Variants in SHISA6 observed in about 807,000 individuals in gnomAD.
The protein encoded by SHISA6 is shisa family member 6, also known as protein shisa-6.
SHISA6 carries 22 observed loss-of-function variants against 47.9 expected under a neutral mutation model. The ratio of observed to expected loss-of-function variants is 0.46; its 90% CI spans 0.33 to 0.66. The LOEUF (loss-of-function observed/expected upper bound fraction) is 0.66. Ranked by LOEUF, SHISA6 falls within the 30% of genes least tolerant of loss-of-function variation. SHISA6 has a pLI of 0.02. For missense variants in SHISA6, 680 were observed against 764.6 expected (o/e 0.89, Z 1.30); for synonymous variants, 388 against 337.8 (o/e 1.15, Z -1.63).
Position 11,255,634 on chromosome 17 carries a change from G to GGT in SHISA6, c.639-7726_639-7725dup, listed in dbSNP as rs150634864. ...CCAAGTTCAGGGTTCAGCAGAAACG[G>GGT]GTGTGTGGTCATATGGATTTCCATC... On this transcript the variant is annotated intron_variant, in intron 1 of 5. Coordinates refer to ENST00000441885, the MANE Select transcript of SHISA6 (RefSeq NM_207386.4). Among the ~76,000 whole-genome samples, 784 of 152,250 alleles carry GGT rather than the reference G, an allele frequency of 5.1e-3. 2 individuals are homozygous for GGT. The highest frequency in any genetic ancestry group is 7.6e-3 in the Non-Finnish European group (514 of 68,020).
intron 2 of SHISA6, chr17:11,288,346 A>G (rs1180994983): frequency 6.6e-6 from 1 of 152,244 alleles, no homozygotes; most frequent in Non-Finnish European, 1.5e-5. Flanking sequence ...CAATGTTTCA[A>G]TAAATAACAA....
At chr17:11,442,391 A>G (rs558564823) in intron 3 of SHISA6, among the ~76,000 whole-genome samples, 7 of 151,908 alleles carry the variant, frequency 4.6e-5, no homozygotes, top group South Asian at 2.1e-4. Context: ...ACACCTATCT[A>G]TCCTTCCTGT....
chr17:11,412,686 C>T (rs1914160466), intron 3 of SHISA6, among the ~76,000 whole-genome samples: 1 of 152,022 alleles, frequency 6.6e-6, no homozygotes, highest in Non-Finnish European at 1.5e-5. Context: ...GGACTACAGG[C>T]ACCGGCCACC....
intron 3 of SHISA6, among the ~76,000 whole-genome samples, chr17:11,525,655 A>AAAAAAAAAAAAAAAAT (rs2071671675): frequency 2.8e-5 from 1 of 35,694 alleles, no homozygotes; most frequent in African/African-American, 1.1e-4. Context: ...AAAAAAACAA[A>AAAAAAAAAAAAAAAAT]AAAAAAAAAA....
intron 1 of SHISA6, among the ~76,000 whole-genome samples, chr17:11,243,012 G>T (rs1426312913): frequency 1.3e-5 from 2 of 151,922 alleles, no homozygotes; most frequent in Non-Finnish European, 2.9e-5. Context: ...GCTGGACATG[G>T]TGCAAGAGTC....
intron 4 of SHISA6, among the ~76,000 whole-genome samples, chr17:11,552,344 C>T (rs984990611): frequency 1.2e-4 from 18 of 152,166 alleles, no homozygotes; most frequent in African/African-American, 3.4e-4. Context: ...CTTTATGATC[C>T]TCCCCAGGCT....
intron 3 of SHISA6, among the ~76,000 whole-genome samples, chr17:11,463,692 T>C (rs887308447): frequency 6.6e-6 from 1 of 152,220 alleles, no homozygotes; most frequent in African/African-American, 2.4e-5. Flanking sequence ...TTCATTCATG[T>C]CTACTAGGTT....
At chr17:11,434,379 A>G (rs1914877571) in intron 3 of SHISA6, among the ~76,000 whole-genome samples, 1 of 152,012 alleles carries the variant, frequency 6.6e-6, no homozygotes, top group Non-Finnish European at 1.5e-5. Context: ...ACTTTTTCTA[A>G]TCACCTGGGT....
At chr17:11,508,200 A>G (rs559575821) in intron 3 of SHISA6, among the ~76,000 whole-genome samples, 75 of 152,370 alleles carry the variant, frequency 4.9e-4, no homozygotes, top group Non-Finnish European at 1.0e-4. Flanking sequence ...TGTCTTAGTC[A>G]TTCGTGCTGC....
In SHISA6 at chr17:11,488,223, G is replaced by A. The variant is rs550337759; in HGVS notation, c.896-63673G>A. On this transcript the variant is annotated intron_variant, in intron 3 of 5. Coordinates refer to ENST00000441885, the MANE Select transcript of SHISA6 (RefSeq NM_207386.4). ...CTGCGAATTGGCCCTGAGAAATCTC[G>A]GTGTGCACTATTTATAGGCAGGAAT... is the stretch of plus-strand genomic sequence containing the variant. Among the ~76,000 whole-genome samples, 65 of 152,170 alleles carry A rather than the reference G, an allele frequency of 4.3e-4. 2 individuals carry two copies. The South Asian group carries it at 0.012, about 29-fold the overall frequency.
chr17:11,493,022 G>A (rs903266547), intron 3 of SHISA6, among the ~76,000 whole-genome samples: 16 of 152,116 alleles, frequency 1.1e-4, no homozygotes, highest in Non-Finnish European at 2.1e-4. Context: ...CTTGCAGGTG[G>A]GGAACCATTC....
chr17:11,384,225 C>T (rs1913122277), intron 3 of SHISA6, among the ~76,000 whole-genome samples: 1 of 152,222 alleles, frequency 6.6e-6, no homozygotes, highest in Non-Finnish European at 1.5e-5. Context: ...ACTGTGCTAT[C>T]CTGCCTCTCC....
At chr17:11,279,891 T>C (rs1303670684) in intron 2 of SHISA6, among the ~76,000 whole-genome samples, 1 of 152,168 alleles carries the variant, frequency 6.6e-6, no homozygotes, top group African/African-American at 2.4e-5. Flanking sequence ...CTCTCAGTGC[T>C]GCTCTGGGCA....
intron 1 of SHISA6, among the ~76,000 whole-genome samples, chr17:11,260,015 G>A (rs1159427895): frequency 6.6e-6 from 1 of 152,216 alleles, no homozygotes; most frequent in Non-Finnish European, 1.5e-5. Flanking sequence ...GGAATCACAT[G>A]AGACAGGGCA....
chr17:11,458,751 A>T (rs1915617009), intron 3 of SHISA6, among the ~76,000 whole-genome samples: 1 of 152,168 alleles, frequency 6.6e-6, no homozygotes, highest in African/African-American at 2.4e-5. Flanking sequence ...CTCCTCCCAG[A>T]TTTAGACAGG....
intron 2 of SHISA6, among the ~76,000 whole-genome samples, chr17:11,301,204 T>A (rs1909915910): frequency 6.6e-6 from 1 of 151,998 alleles, no homozygotes; most frequent in Admixed American, 6.6e-5. Context: ...CAGCCTATGA[T>A]GTAGTGGTGG....
In SHISA6 at chr17:11,277,241, TTCTCTCTCTCTC is replaced by T. The variant is rs139388009; in HGVS notation, c.799+13744_799+13755del. 8.5e-3 allele frequency among the ~76,000 whole-genome samples: 661 copies of T among 78,148 alleles called. 2 individuals carry two copies. The highest frequency in any genetic ancestry group is 0.012 in the Non-Finnish European group (503 of 41,950). The allele number at this position is 78,148 out of a possible 152,430, so 51.3% of individuals were successfully genotyped here. On this transcript the variant is annotated intron_variant, in intron 2 of 5. Coordinates refer to ENST00000441885, the MANE Select transcript of SHISA6 (RefSeq NM_207386.4). The stretch of plus-strand genomic sequence containing the variant: ...CTCCCTCCCCATCCCCGGTTTCTCT[TTCTCTCTCTCTC>T]TCTCTCTCTCTCTCTCTCTCTCTCT...
chr17:11,382,584 G>T (rs1913047888), intron 3 of SHISA6, among the ~76,000 whole-genome samples: 1 of 152,192 alleles, frequency 6.6e-6, no homozygotes, highest in Non-Finnish European at 1.5e-5. Flanking sequence ...ATTTGTATGT[G>T]TTTAATTCTC....
chr17:11,353,391 A>G (rs1450067586), intron 2 of SHISA6, among the ~76,000 whole-genome samples: 1 of 150,654 alleles, frequency 6.6e-6, no homozygotes, highest in Non-Finnish European at 1.5e-5. Flanking sequence ...CAGGAGGCAG[A>G]GGTTGCAGTG....
Sources: gnomAD v4.1 joint callset for allele counts (sites outside exome capture counted in the v4.1 genomes callset) on GRCh38, gnomAD v4.1.1 for gene constraint, MANE v1.5 for transcripts, NCBI Gene and HGNC (gene_info 2026-07-23, HGNC 2026-07-21) for gene names.